The following INSL6 variants were observed in gnomAD, a reference collection of about 807,000 sequenced individuals.
INSL6 encodes the protein insulin-like peptide INSL6.
INSL6 carries 16 observed loss-of-function variants against 9.4 expected under a neutral mutation model. That is an observed-to-expected ratio of 1.70 (90% CI 1.15 to 2.59). The LOEUF is 2.59. Among genes scored for constraint, INSL6 ranks in the 30% most tolerant of loss-of-function variants. The pLI, the probability that INSL6 is intolerant of heterozygous loss-of-function variation, is 0.00. For missense variants in INSL6, 391 were observed against 257.3 expected (o/e 1.52, Z -3.56); for synonymous variants, 154 against 96.9 (o/e 1.59, Z -3.46).
At chr9:5,153,930 T>A (rs1824765135) in intron 2 of INSL6, among the ~76,000 whole-genome samples, 1 of 152,216 alleles carries the variant, frequency 6.6e-6, no homozygotes, top group South Asian at 2.1e-4. Flanking sequence ...GCTATCACCA[T>A]CAAGCTACCT....
chr9:5,060,385 A>G, the INSL6 span, among the ~76,000 whole-genome samples: 1 of 152,206 alleles, frequency 6.6e-6, no homozygotes, highest in Non-Finnish European at 1.5e-5. Context: ...TTTTACCCAC[A>G]GTAGAATTTC....
the INSL6 span, among the ~76,000 whole-genome samples, chr9:5,004,998 C>CCTTG: frequency 6.8e-6 from 1 of 147,418 alleles, no homozygotes; most frequent in African/African-American, 2.5e-5. Context: ...CTCACTGCAG[C>CCTTG]CTTGACCTCC....
chr9:4,996,403 G>C, the INSL6 span, among the ~76,000 whole-genome samples: 1 of 151,954 alleles, frequency 6.6e-6, no homozygotes, highest in South Asian at 2.1e-4. Context: ...AGCTGAGATC[G>C]TGCCATTGCA....
chr9:5,036,550 T>G, the INSL6 span, among the ~76,000 whole-genome samples: 1 of 151,830 alleles, frequency 6.6e-6, no homozygotes, highest in Non-Finnish European at 1.5e-5. Context: ...TGGAAAGAAA[T>G]AATGCTACCT....
chr9:5,064,986 T>G, the INSL6 span: 7 of 1,610,932 alleles, frequency 4.3e-6, no homozygotes, highest in Non-Finnish European at 5.9e-6. Context: ...TGTAAAGAAG[T>G]AGCACCTCCA....
chr9:5,174,288 G>C (rs1480224130), intron 1 of INSL6, among the ~76,000 whole-genome samples: 1 of 152,130 alleles, frequency 6.6e-6, no homozygotes, highest in East Asian at 1.9e-4. Context: ...CCTTGATAGA[G>C]TTTTCTATAT....
the INSL6 span, among the ~76,000 whole-genome samples, chr9:5,007,057 T>C: frequency 3.5e-4 from 54 of 152,162 alleles, no homozygotes; most frequent in African/African-American, 1.2e-3. Flanking sequence ...TTTATCAATT[T>C]TAATGCTTTT....
the INSL6 span, among the ~76,000 whole-genome samples, chr9:5,117,088 C>T: frequency 1.3e-5 from 2 of 152,216 alleles, no homozygotes; most frequent in African/African-American, 2.4e-5. Context: ...CGGCATTCCT[C>T]TCCTCTAAAA....
downstream of INSL6, among the ~76,000 whole-genome samples, chr9:5,163,141 T>TTATTAAACACA (rs1824961959): frequency 6.6e-6 from 1 of 152,216 alleles, no homozygotes; most frequent in African/African-American, 2.4e-5. Flanking sequence ...CACAGATTGC[T>TTATTAAACACA]GACCCCCATA....
intron 2 of INSL6, among the ~76,000 whole-genome samples, chr9:5,141,815 T>C (rs1386775647): frequency 2.0e-5 from 3 of 152,236 alleles, no homozygotes; most frequent in Admixed American, 6.5e-5. Flanking sequence ...CTGAACGGTA[T>C]TGCCTAGGTT....
At chr9:5,088,205 A>T in the INSL6 span, among the ~76,000 whole-genome samples, 44 of 152,272 alleles carry the variant, frequency 2.9e-4, no homozygotes, top group Non-Finnish European at 5.9e-4. Flanking sequence ...TCTAGTTCCA[A>T]TCTGACTTGA....
the INSL6 span, chr9:5,114,376 T>A: frequency 9.5e-6 from 5 of 526,884 alleles, no homozygotes; most frequent in Admixed American, 6.7e-5. Context: ...ACGTTCACCA[T>A]CACGTCCACC....
the INSL6 span, among the ~76,000 whole-genome samples, chr9:4,993,735 G>T: frequency 6.6e-6 from 1 of 152,118 alleles, no homozygotes; most frequent in Non-Finnish European, 1.5e-5. Flanking sequence ...GTCCTTATCT[G>T]TTCCTGGCTA....
chr9:5,180,681 C>T (rs1415436013), intron 1 of INSL6, among the ~76,000 whole-genome samples: 1 of 152,156 alleles, frequency 6.6e-6, no homozygotes, highest in Admixed American at 6.5e-5. Context: ...TGGTTCTCTG[C>T]TCTCAAACCC....
the INSL6 span, chr9:5,072,400 TAA>T: frequency 1.1e-6 from 1 of 931,290 alleles, no homozygotes; most frequent in Non-Finnish European, 1.5e-6. Context: ...CTTATGGATT[TAA>T]AAAAATTCTT....
In INSL6 at chr9:5,126,452, A is replaced by C. The variant is rs180815947; in HGVS notation, c.*11-1941T>G. On this transcript the variant is annotated intron_variant, in intron 3 of 3. Transcript: ENST00000649639. ...CAGATGGATGCCCAGATGAGGTAAC[A>C]ATTTTTTTTTAATCCAGGGTAGTCA... is the stretch of plus-strand genomic sequence containing the variant. 601 of 1,576,620 alleles carry C rather than the reference A, an allele frequency of 3.8e-4. 1 individual carries two copies. The highest frequency in any genetic ancestry group is 5.7e-4 in the Admixed American group (33 of 57,602).
At chr9:5,170,817 A>G (rs1057078738) in intron 1 of INSL6, among the ~76,000 whole-genome samples, 10 of 152,206 alleles carry the variant, frequency 6.6e-5, no homozygotes, top group African/African-American at 2.4e-4. Flanking sequence ...GAATAGACTA[A>G]TAACAAGTTC....
At chr9:5,154,688 A>G (rs1220083471) in intron 2 of INSL6, among the ~76,000 whole-genome samples, 1 of 152,242 alleles carries the variant, frequency 6.6e-6, no homozygotes, top group African/African-American at 2.4e-5. Flanking sequence ...ACTTCTCAAA[A>G]GAAGACATTT....
the INSL6 span, chr9:5,055,698 T>G: frequency 6.3e-7 from 1 of 1,584,696 alleles, no homozygotes; most frequent in South Asian, 1.1e-5. Flanking sequence ...ATTTTCCTAA[T>G]ATTATTGATG....
Sources: allele counts gnomAD v4.1 joint callset (sites outside exome capture counted in the v4.1 genomes callset), GRCh38; gene constraint gnomAD v4.1.1; transcripts MANE v1.5; gene names NCBI Gene and HGNC (gene_info 2026-07-23, HGNC 2026-07-21).